EFHC1: variants seen among roughly 807,000 people sequenced by gnomAD.
The protein encoded by EFHC1 is EF-hand domain-containing protein 1.
Under a neutral mutation model 69.9 loss-of-function variants are expected in EFHC1, and 53 were observed. The observed-to-expected ratio is 0.76, with a 90% CI of 0.61 to 0.95. The LOEUF (loss-of-function observed/expected upper bound fraction) is 0.95. Among genes scored for constraint, EFHC1 ranks in the 40% least tolerant of loss-of-function variants. EFHC1 has a pLI of 0.00. For synonymous variants in EFHC1, 256 were observed against 278.4 expected, an observed-to-expected ratio of 0.92 and a Z score of 0.80; for missense variants, 739 against 798.7, an observed-to-expected ratio of 0.93 and a Z score of 0.90.
intron 1 of EFHC1, among the ~76,000 whole-genome samples, chr6:52,421,851 T>G (rs1303650517): frequency 1.3e-5 from 2 of 152,196 alleles, no homozygotes; most frequent in Non-Finnish European, 2.9e-5. Flanking sequence ...GCTTTTGGTG[T>G]TGGTGAGTAT....
intron 2 of EFHC1, 104 bp from the exon 3 acceptor site, chr6:52,438,200 A>T: frequency 8.8e-7 from 1 of 1,131,880 alleles, no homozygotes; most frequent in Non-Finnish European, 1.3e-6. Context: ...GATGAGTGTT[A>T]AAATCTCCCT....
At chr6:52,431,301 G>T (rs1046872360) in intron 2 of EFHC1, among the ~76,000 whole-genome samples, 10 of 151,920 alleles carry the variant, frequency 6.6e-5, no homozygotes, top group African/African-American at 2.4e-4. Flanking sequence ...TAGATTGTCT[G>T]TTAGTGCTCT....
In EFHC1 at chr6:52,493,733, C is replaced by G. The variant is rs970139520; in HGVS notation, c.*1392C>G. The G allele has an allele frequency of 2.2e-6, 1 of 453,824 alleles. No homozygotes were observed. The highest frequency in any genetic ancestry group is 6.9e-5 in the East Asian group (1 of 14,402). The allele number at this position is 453,824 out of a possible 1,614,324, so 28.1% of individuals were successfully genotyped here. ...AGGAAGGAAAGACTAGTTGCAGTTA[C>G]TATTCTCTGGTGAGCTCTGACTGGC... On this transcript the variant is annotated 3_prime_UTR_variant, in exon 11 of 11. Transcript: ENST00000371068.
chr6:52,489,971 G>A (rs559512483), intron 9 of EFHC1, among the ~76,000 whole-genome samples, 169 bp from the exon 10 acceptor site: 5 of 152,312 alleles, frequency 3.3e-5, no homozygotes, highest in African/African-American at 1.2e-4. Flanking sequence ...CCTTCCTGAT[G>A]TGGAGGTCAG....
intron 9 of EFHC1, chr6:52,483,202 T>C: frequency 4.8e-6 from 1 of 207,338 alleles, no homozygotes; most frequent in Non-Finnish European, 9.6e-6. Flanking sequence ...TTATTAACTG[T>C]GTTAACTGAA....
chr6:52,435,084 C>T (rs1764502312), intron 2 of EFHC1, among the ~76,000 whole-genome samples: 1 of 152,170 alleles, frequency 6.6e-6, no homozygotes, highest in Non-Finnish European at 1.5e-5. Context: ...TCTCTTCTCA[C>T]TCCTTTGGTG....
chr6:52,429,907 A>C (rs1764380744), intron 2 of EFHC1: 1 of 151,948 alleles, frequency 6.6e-6, no homozygotes, highest in Non-Finnish European at 1.5e-5. Flanking sequence ...TTCCTTGTAG[A>C]GGTCTTTCAC....
intron 5 of EFHC1, among the ~76,000 whole-genome samples, chr6:52,461,248 T>C (rs1415569925): frequency 2.0e-5 from 3 of 152,122 alleles, no homozygotes; most frequent in Non-Finnish European, 2.9e-5. Context: ...TAGACCCCAG[T>C]GTGTATTGTT....
chr6:52,423,670 T>TTC (rs1562441941), intron 1 of EFHC1: 27 of 455,410 alleles, frequency 5.9e-5, no homozygotes, highest in South Asian at 2.8e-4. Context: ...TTTTTTTTTT[T>TTC]TTTTTTTTTT....
chr6:52,436,852 G>C (rs192104474), intron 2 of EFHC1, among the ~76,000 whole-genome samples: 1 of 152,226 alleles, frequency 6.6e-6, no homozygotes, highest in Admixed American at 6.5e-5. Flanking sequence ...ATGTTGGCCA[G>C]ACTGGTCTCA....
rs564140075 is a variant in EFHC1, at chr6:52,494,925, T to A, written c.*2584T>A. On this transcript the variant is annotated 3_prime_UTR_variant, in exon 11 of 11. Coordinates refer to ENST00000371068, the MANE Select transcript of EFHC1 (RefSeq NM_018100.4). ...TTCCATGGTGTAGATATACTTCATT[T>A]AAAAAATCTAATCCACCATTGATTG... 6.8e-4 allele frequency: 306 copies of A among 451,618 alleles called. No individual in the cohort carries two copies. The highest frequency in any genetic ancestry group is 3.6e-3 in the African/African-American group (180 of 49,976). The allele number at this position is 451,618 out of a possible 1,614,324, so 28.0% of individuals were successfully genotyped here.
chr6:52,472,155 A>G (rs1404840997), intron 7 of EFHC1, among the ~76,000 whole-genome samples: 1 of 152,020 alleles, frequency 6.6e-6, no homozygotes, highest in Admixed American at 6.5e-5. Context: ...AAAAGTAAAA[A>G]TGAAAGAAAA....
chr6:52,489,860 G>GGTGGTA (rs1273171859), intron 9 of EFHC1, among the ~76,000 whole-genome samples: 4 of 152,302 alleles, frequency 2.6e-5, no homozygotes, highest in Middle Eastern at 3.4e-3. Context: ...TTGGCATGGT[G>GGTGGTA]GTGGTATTAG....
chr6:52,465,045 AAG>A lies in EFHC1; in HGVS notation c.1071_1072del (p.Lys358ValfsTer5). On this transcript the variant is annotated frameshift_variant, in exon 6 of 11. Coordinates refer to ENST00000371068, the MANE Select transcript of EFHC1 (RefSeq NM_018100.4). LOFTEE classifies it high-confidence loss of function. ...GATCCATTTACTCGACGGTATTACA[AAG>A]AGAAGTTTGGAATCACTGATTTACC... The A allele has an allele frequency of 1.9e-6, 3 of 1,614,150 alleles. No individual in the cohort carries two copies. The highest frequency in any genetic ancestry group is 2.5e-6 in the Non-Finnish European group (3 of 1,180,034).
At position 52,494,584 on chromosome 6, in the gene EFHC1, T is replaced by TA. The variant is rs1562468533; in HGVS notation, c.*2243_*2244insA. 2.2e-6 allele frequency: 1 copy of TA among 454,086 alleles called. No individual in the cohort carries two copies. Among genetic ancestry groups the TA allele is most frequent in the Non-Finnish European group, 4.4e-6 (1 of 226,772 alleles). 28.1% of individuals were successfully genotyped at this position (454,086 alleles called of 1,614,324 possible). The stretch of plus-strand genomic sequence containing the variant: ...CTGACTCTTTCTCCCAGAGCACCTT[T>TA]TCTCTCTTTTTGGATTCAGGGGGTA... On this transcript the variant is annotated 3_prime_UTR_variant, in exon 11 of 11. Transcript: ENST00000371068.
At position 52,453,024 on chromosome 6, in the gene EFHC1, A is replaced by T. The variant is rs1364048642; in HGVS notation, c.723+187A>T. ...ACAGGTACAGGAATGCCTACATTTCATATGGAGATCCAAAGAAGATCGTGG... is the reference window on the plus strand; with the variant it reads ...ACAGGTACAGGAATGCCTACATTTCTTATGGAGATCCAAAGAAGATCGTGG... On this transcript the variant is annotated intron_variant, in intron 4 of 10. Transcript: ENST00000371068. The T allele has an allele frequency of 2.6e-6, 4 of 1,532,254 alleles. No homozygotes were observed. The African/African-American group carries it at 5.5e-5, about 21-fold the overall frequency. 94.9% of individuals were successfully genotyped at this position (1,532,254 alleles called of 1,614,324 possible).
intron 4 of EFHC1, chr6:52,453,100 A>G (rs1164692601): frequency 6.9e-7 from 1 of 1,450,418 alleles, no homozygotes; most frequent in Admixed American, 2.1e-5. Flanking sequence ...TCTCAAAGCA[A>G]TTCCTGAGCT....
chr6:52,448,448 T>C (rs1057164487), intron 3 of EFHC1, among the ~76,000 whole-genome samples: 1 of 152,186 alleles, frequency 6.6e-6, no homozygotes, highest in African/African-American at 2.4e-5. Flanking sequence ...GGGAGTGTCC[T>C]GTTTTTCCAG....
In EFHC1 at chr6:52,423,950, C is replaced by G; in HGVS notation, c.68C>G (p.Thr23Arg). ...ACACATTCTTTTCTTCTTCAGAAAA[C>G]AGCCTTCCACAGAAGTCAGACGCTG... ...PGTSFKDSTK[T>R]AFHRSQTLSY... The change falls in exon 2 of 11, where the codon ACA becomes AGA. Residue 23 changes from threonine (T) to arginine (R), a missense_variant. Physicochemically the swap from Thr to Arg is moderately conservative, Grantham distance 71 (BLOSUM62 -1). Coordinates refer to ENST00000371068, the MANE Select transcript of EFHC1 (RefSeq NM_018100.4). The G allele has an allele frequency of 6.2e-7, 1 of 1,613,810 alleles. No homozygotes were observed. Among genetic ancestry groups the G allele is most frequent in the Non-Finnish European group, 8.5e-7 (1 of 1,179,904 alleles).
Sources: allele counts gnomAD v4.1 joint callset (sites outside exome capture counted in the v4.1 genomes callset), GRCh38; gene constraint gnomAD v4.1.1; transcripts MANE v1.5; gene names NCBI Gene and HGNC (gene_info 2026-07-23, HGNC 2026-07-21).